The following ARMC9 variants were observed in gnomAD, a reference collection of about 807,000 sequenced individuals.
ARMC9 encodes armadillo repeat containing 9, also known as lisH domain-containing protein ARMC9.
Under a neutral mutation model 107.0 loss-of-function variants are expected in ARMC9, and 94 were observed. The observed-to-expected ratio is 0.88, with a 90% confidence interval of 0.74 to 1.04. The LOEUF (loss-of-function observed/expected upper bound fraction) is 1.04. ARMC9 is among the 50% of genes least tolerant of loss of function. The pLI, the probability that ARMC9 is intolerant of heterozygous loss-of-function variation, is 0.00. For synonymous variants in ARMC9, 380 were observed against 396.9 expected (o/e 0.96, Z 0.51); for missense variants, 942 against 1,030.1 (o/e 0.91, Z 1.17).
At chr2:231,331,652 C>A (rs1049687253) in intron 19 of ARMC9, 141 bp from the exon 20 acceptor site, 6 of 675,348 alleles carry the variant, frequency 8.9e-6, no homozygotes, top group East Asian at 2.9e-5. Flanking sequence ...TGCCCCTGAG[C>A]CCCCTTGGAA....
rs2037709602 is a variant in ARMC9 at position 231,255,623 on chromosome 2, T to C, written c.880-963T>C. Among the ~76,000 whole-genome samples the C allele has an allele frequency of 6.6e-6, 1 of 151,960 alleles. No individual in the cohort carries two copies. The highest frequency in any genetic ancestry group is 2.1e-4 in the South Asian group (1 of 4,818). On this transcript the variant is annotated intron_variant, in intron 9 of 24. Coordinates refer to ENST00000611582, the MANE Select transcript of ARMC9 (RefSeq NM_001352754.2). This position sits in a 1 kb window ranked among gnomAD's most constrained non-coding sequence, Gnocchi z 4.7. ...GCAGCCTCTAGAGTTTTTCTTGGAG[T>C]GGTGTAACATCAAACCAGGGCTGGG...
rs965182635 is a variant in ARMC9 at position 231,374,065 on chromosome 2, A to T, written c.*2530A>T. 4 of 152,198 alleles carry T rather than the reference A, an allele frequency of 2.6e-5. No individual in the cohort carries two copies. The highest frequency in any genetic ancestry group is 2.6e-4 in the Admixed American group (4 of 15,272). The allele number at this position is 152,198 out of a possible 1,614,324, so 9.4% of individuals were successfully genotyped here. On this transcript the variant is annotated 3_prime_UTR_variant, in exon 25 of 25. Coordinates refer to ENST00000611582, the MANE Select transcript of ARMC9 (RefSeq NM_001352754.2). ...CAGCTAGAAATATACTTTGTAAAAT[A>T]CCAACAACTTATTCACAAATATTCC...
At chr2:231,216,188 A>G (rs1047631746) in intron 4 of ARMC9, among the ~76,000 whole-genome samples, 1 of 152,214 alleles carries the variant, frequency 6.6e-6, no homozygotes, top group Non-Finnish European at 1.5e-5. Context: ...TTCCAACACC[A>G]TAAAGAAATG....
At chr2:231,315,368 C>T (rs1256971429) in intron 19 of ARMC9, among the ~76,000 whole-genome samples, 1 of 151,962 alleles carries the variant, frequency 6.6e-6, no homozygotes, top group Admixed American at 6.6e-5. Context: ...GAAACCCCAT[C>T]TCTACTAAAA....
chr2:231,296,447 G>A (rs890598484), intron 19 of ARMC9, among the ~76,000 whole-genome samples, 194 bp downstream of exon 19: 2 of 152,164 alleles, frequency 1.3e-5, no homozygotes, highest in African/African-American at 2.4e-5. Context: ...GGAGCCCAGC[G>A]GCCATGTTTG....
chr2:231,295,683 T>G (rs1401422013), intron 18 of ARMC9: 2 of 152,332 alleles, frequency 1.3e-5, no homozygotes. Flanking sequence ...GAACCCTACC[T>G]GCCATGACCA....
At chr2:231,268,341 T>A (rs556547203) in intron 12 of ARMC9, among the ~76,000 whole-genome samples, 1 of 152,006 alleles carries the variant, frequency 6.6e-6, no homozygotes, top group African/African-American at 2.4e-5. Flanking sequence ...GTAGATGCTA[T>A]ACTTCAGCAA....
intron 7 of ARMC9, among the ~76,000 whole-genome samples, chr2:231,234,381 G>A (rs1248490281): frequency 6.6e-6 from 1 of 152,166 alleles, no homozygotes; most frequent in Non-Finnish European, 1.5e-5. Flanking sequence ...GGCCTGGTGG[G>A]AGTGGTTTTA....
chr2:231,276,694 C>G lies in ARMC9; in HGVS notation c.1393C>G (p.Leu465Val), dbSNP rs1039529608. 7 of 1,614,146 alleles carry G rather than the reference C, an allele frequency of 4.3e-6. No individual in the cohort carries two copies. Among genetic ancestry groups the G allele is most frequent in the Non-Finnish European group, 5.9e-6 (7 of 1,180,022 alleles). ...CCTCATCTTCTGGCTGGTTGATGTT[C>G]TGAAGGACCCTGACTGCCTGTCTGA... ...DGLIFWLVDV[L>V]KDPDCLSDYT... The change falls in exon 15 of 25, where the codon CTG becomes GTG. Residue 465 changes from leucine (L) to valine (V), a missense_variant. Physicochemically the swap from Leu to Val is conservative, Grantham distance 32 (BLOSUM62 1). Transcript: ENST00000611582.
At chr2:231,293,871 G>A (rs1042560899) in intron 18 of ARMC9, 2 of 152,190 alleles carry the variant, frequency 1.3e-5, no homozygotes, top group East Asian at 3.8e-4. Flanking sequence ...AGTACCTCGG[G>A]ACATCCATCA....
intron 12 of ARMC9, among the ~76,000 whole-genome samples, chr2:231,268,550 T>C (rs2039044534): frequency 6.6e-6 from 1 of 152,186 alleles, no homozygotes; most frequent in Non-Finnish European, 1.5e-5. Context: ...GTGTCCCATA[T>C]TATCTTATTT....
rs2045507527 is a variant in ARMC9 at position 231,360,087 on chromosome 2, C to T, written c.2132-667C>T. 6.6e-6 allele frequency among the ~76,000 whole-genome samples: 1 copy of T among 151,936 alleles called. No individual in the cohort carries two copies. Among genetic ancestry groups the T allele is most frequent in the Admixed American group, 6.6e-5 (1 of 15,254 alleles). On this transcript the variant is annotated intron_variant, in intron 22 of 24. Transcript: ENST00000611582. The surrounding 1 kb of genome is among the most constrained non-coding windows in gnomAD (Gnocchi z 4.7). ...GCGGGGTGGGGGAAGGGGTGCGTGG[C>T]ATCTGAGATGCAGGAACATCTGTTC...
At chr2:231,221,197 G>A (rs150974738) in intron 5 of ARMC9, among the ~76,000 whole-genome samples, 8 of 152,246 alleles carry the variant, frequency 5.3e-5, no homozygotes, top group African/African-American at 1.2e-4. Context: ...TTGTAGCCAC[G>A]GGTGTTCTGT....
In ARMC9 at chr2:231,209,852, TA is replaced by T. The variant is rs1341253720; in HGVS notation, c.177+1608del. Among the ~76,000 whole-genome samples the T allele has an allele frequency of 2.0e-5, 3 of 151,986 alleles. No individual in the cohort carries two copies. In the South Asian group the frequency reaches 6.2e-4, roughly 32 times the overall value. On this transcript the variant is annotated intron_variant, in intron 3 of 24. Transcript: ENST00000611582. ...ACCTGGTCTATTTTATTTTTATAAT[TA>T]AAAAAAATTATGTGGAGACAGGGTC... is the stretch of plus-strand genomic sequence containing the variant.
At chr2:231,312,009 T>C (rs2125515003) in intron 19 of ARMC9, among the ~76,000 whole-genome samples, 1 of 152,250 alleles carries the variant, frequency 6.6e-6, no homozygotes, top group East Asian at 1.9e-4. Context: ...TACTCATGTG[T>C]CTGGCTCATT....
intron 8 of ARMC9, among the ~76,000 whole-genome samples, chr2:231,237,289 A>G (rs2035808432): frequency 1.3e-5 from 2 of 152,008 alleles, no homozygotes; most frequent in Non-Finnish European, 2.9e-5. Context: ...TTCTCTTTCG[A>G]TATATCTTGG....
Position 231,374,774 on chromosome 2 carries a change from G to A in ARMC9, c.*3239G>A, listed in dbSNP as rs1237773550. 1 of 152,146 alleles carries A rather than the reference G, an allele frequency of 6.6e-6. No individual in the cohort carries two copies. The highest frequency in any genetic ancestry group is 1.5e-5 in the Non-Finnish European group (1 of 68,036). The allele number at this position is 152,146 out of a possible 1,614,324, so 9.4% of individuals were successfully genotyped here. ...TTACAAAATAGGCAGCTGGGACGTG[G>A]ACCAGAGATACCAATTTGATTTTTT... On this transcript the variant is annotated 3_prime_UTR_variant, in exon 25 of 25. Coordinates refer to ENST00000611582, the MANE Select transcript of ARMC9 (RefSeq NM_001352754.2).
intron 19 of ARMC9, among the ~76,000 whole-genome samples, chr2:231,301,176 C>T (rs2041703201): frequency 6.6e-6 from 1 of 152,144 alleles, no homozygotes; most frequent in South Asian, 2.1e-4. Flanking sequence ...CACCATGTTG[C>T]CTTTTTCTCT....
At chr2:231,235,958 T>G (rs552278306) in intron 8 of ARMC9, among the ~76,000 whole-genome samples, 106 of 152,314 alleles carry the variant, frequency 7.0e-4, no homozygotes, top group African/African-American at 2.4e-3. Context: ...AAAAAATATA[T>G]TTTTCAAATA....
Sources: allele counts gnomAD v4.1 joint callset (sites outside exome capture counted in the v4.1 genomes callset), GRCh38; gene constraint gnomAD v4.1.1; non-coding constraint Gnocchi (gnomAD v3.1); transcripts MANE v1.5; gene names NCBI Gene and HGNC (gene_info 2026-07-23, HGNC 2026-07-21).